PHKB: variants seen among roughly 807,000 people sequenced by gnomAD.
PHKB encodes phosphorylase b kinase regulatory subunit beta.
In PHKB, 122 loss-of-function variants were observed where a neutral mutation model predicts 152.1. The observed-to-expected ratio is 0.80, with a 90% CI of 0.69 to 0.93. The LOEUF is 0.93. PHKB is among the 40% of genes least tolerant of loss of function. The pLI is 0.00. For synonymous variants in PHKB, 436 were observed against 464.9 expected, an observed-to-expected ratio of 0.94 and a Z score of 0.80; for missense variants, 1,304 against 1,328.4, an observed-to-expected ratio of 0.98 and a Z score of 0.29.
intron 7 of PHKB, among the ~76,000 whole-genome samples, chr16:47,568,736 A>G (rs1260729017): frequency 6.6e-6 from 1 of 152,116 alleles, no homozygotes; most frequent in Non-Finnish European, 1.5e-5. Flanking sequence ...GTTATTATTC[A>G]TTTCAAAATT....
At chr16:47,566,123 G>T in intron 7 of PHKB, 1 of 657,296 alleles carries the variant, frequency 1.5e-6, no homozygotes, top group Non-Finnish European at 2.8e-6. Flanking sequence ...AATCTCTGCT[G>T]CCTTGGTCAT....
intron 6 of PHKB, among the ~76,000 whole-genome samples, chr16:47,523,617 A>G (rs912224980): frequency 6.6e-6 from 1 of 152,178 alleles, no homozygotes; most frequent in African/African-American, 2.4e-5. Flanking sequence ...TTTACTTACT[A>G]TAGGCCCACA....
intron 1 of PHKB, among the ~76,000 whole-genome samples, chr16:47,484,926 G>A (rs952505830): frequency 6.6e-6 from 1 of 152,076 alleles, no homozygotes; most frequent in African/African-American, 2.4e-5. Context: ...CCTTTCCCTA[G>A]TGGTAATCAT....
chr16:47,497,806 G>A (rs1277807469), intron 2 of PHKB, among the ~76,000 whole-genome samples: 1 of 152,040 alleles, frequency 6.6e-6, no homozygotes, highest in Non-Finnish European at 1.5e-5. Flanking sequence ...TTTCATATAA[G>A]TATTAATTTG....
chr16:47,589,195 T>C, intron 10 of PHKB, 93 bp downstream of exon 10: 2 of 887,574 alleles, frequency 2.3e-6, no homozygotes, highest in Non-Finnish European at 3.6e-6. Context: ...CTGGCTCTGC[T>C]ACTTACTAGC....
intron 1 of PHKB, among the ~76,000 whole-genome samples, chr16:47,494,114 T>C (rs940173609): frequency 5.3e-5 from 8 of 152,340 alleles, no homozygotes; most frequent in Middle Eastern, 3.4e-3. Flanking sequence ...GGAGGACTTA[T>C]CGTATTGGTA....
chr16:47,639,882 A>G (rs1486648428), intron 14 of PHKB, among the ~76,000 whole-genome samples: 3 of 152,206 alleles, frequency 2.0e-5, no homozygotes, highest in South Asian at 4.1e-4. Context: ...TTCATTTGTT[A>G]GAAATCTTGA....
At chr16:47,534,172 C>T (rs1970912043) in intron 6 of PHKB, among the ~76,000 whole-genome samples, 1 of 152,214 alleles carries the variant, frequency 6.6e-6, no homozygotes, top group Non-Finnish European at 1.5e-5. Context: ...CTGCAGCTGG[C>T]GTGATAACAG....
intron 7 of PHKB, among the ~76,000 whole-genome samples, chr16:47,571,394 G>C (rs1008494338): frequency 1.3e-5 from 2 of 152,132 alleles, no homozygotes; most frequent in African/African-American, 4.8e-5. Context: ...CCAGTGAAAT[G>C]CACTGAGGTC....
intron 7 of PHKB, among the ~76,000 whole-genome samples, chr16:47,574,232 C>G (rs1461681293): frequency 6.6e-6 from 1 of 152,162 alleles, no homozygotes; most frequent in Non-Finnish European, 1.5e-5. Flanking sequence ...CTCCTTGTGG[C>G]TCACCAAATC....
chr16:47,550,954 T>C (rs897663659), intron 7 of PHKB, among the ~76,000 whole-genome samples: 1 of 152,210 alleles, frequency 6.6e-6, no homozygotes, highest in African/African-American at 2.4e-5. Context: ...GGAGGGTGTA[T>C]GTGTCCAGCA....
At position 47,701,006 on chromosome 16, in the gene PHKB, G is replaced by T. The variant is rs1351458449; in HGVS notation, c.*1640G>T. On this transcript the variant is annotated 3_prime_UTR_variant, in exon 31 of 31. Transcript: ENST00000323584. ...AGTTGGGCCCTAAAGAACTAAGGAG[G>T]GGGATTGACAAAGAATAGAATTAAA... 2 of 152,214 alleles carry T rather than the reference G, an allele frequency of 1.3e-5. No individual in the cohort carries two copies. The highest frequency in any genetic ancestry group is 3.9e-4 in the East Asian group (2 of 5,184). 9.4% of individuals were successfully genotyped at this position (152,214 alleles called of 1,614,324 possible). A position where few individuals can be genotyped will look rare whatever the true frequency, so the allele number is the denominator to read the frequency against.
chr16:47,636,787 T>C (rs920687465), intron 14 of PHKB, among the ~76,000 whole-genome samples: 13 of 152,122 alleles, frequency 8.5e-5, no homozygotes, highest in Non-Finnish European at 1.8e-4. Flanking sequence ...GACAGCATGT[T>C]GATGATGGCA....
chr16:47,571,295 G>A (rs1971653997), intron 7 of PHKB, among the ~76,000 whole-genome samples: 1 of 152,204 alleles, frequency 6.6e-6, no homozygotes, highest in Admixed American at 6.5e-5. Flanking sequence ...AAAACCAGCT[G>A]CAGCTGAAGC....
intron 20 of PHKB, among the ~76,000 whole-genome samples, chr16:47,657,802 T>C (rs1973365377): frequency 6.6e-6 from 1 of 152,182 alleles, no homozygotes; most frequent in Admixed American, 6.5e-5. Flanking sequence ...AATTAAGTAA[T>C]TCTTGACTCT....
chr16:47,516,083 A>G (rs1275073973), intron 6 of PHKB, among the ~76,000 whole-genome samples: 2 of 152,036 alleles, frequency 1.3e-5, no homozygotes, highest in African/African-American at 4.8e-5. Flanking sequence ...ATGTGCCACT[A>G]CGCCTGGCTA....
chr16:47,682,550 C>T (rs1326054776), intron 26 of PHKB, among the ~76,000 whole-genome samples: 3 of 152,180 alleles, frequency 2.0e-5, no homozygotes, highest in South Asian at 2.1e-4. Context: ...TCCAGTTGAT[C>T]GCATCGGCTC....
At chr16:47,562,120 G>A (rs1971485802) in intron 7 of PHKB, 1 of 152,306 alleles carries the variant, frequency 6.6e-6, no homozygotes, top group Admixed American at 6.5e-5. Context: ...AAGGAGAGAT[G>A]GAGTTCACTG....
chr16:47,501,003 G>C (rs1419735155), intron 3 of PHKB, among the ~76,000 whole-genome samples: 2 of 152,154 alleles, frequency 1.3e-5, no homozygotes, highest in Non-Finnish European at 2.9e-5. Context: ...TAGCACACTT[G>C]AATGCTGACA....
Sources: allele counts gnomAD v4.1 joint callset (sites outside exome capture counted in the v4.1 genomes callset), GRCh38; gene constraint gnomAD v4.1.1; transcripts MANE v1.5; gene names NCBI Gene and HGNC (gene_info 2026-07-23, HGNC 2026-07-21).